ANKRD36B: variants seen among roughly 807,000 people sequenced by gnomAD.
The protein encoded by ANKRD36B is ankyrin repeat domain 36B.
A neutral mutation model predicts 135.7 loss-of-function variants in ANKRD36B; 37 were observed. The ratio of observed to expected loss-of-function variants is 0.27; its 90% CI spans 0.21 to 0.36. ANKRD36B has a LOEUF of 0.36. ANKRD36B is among the 10% of genes least tolerant of loss of function. The probability of loss-of-function intolerance (pLI) is 1.00; values close to 1 mark genes in which losing one functional copy is unlikely to be tolerated. For missense variants in ANKRD36B, 549 were observed against 1,037.1 expected (o/e 0.53, Z 6.46); for synonymous variants, 179 against 348.1 (o/e 0.51, Z 5.41).
chr2:97,586,204 A>C (rs901746301), intron 1 of ANKRD36B, among the ~76,000 whole-genome samples: 18 of 152,294 alleles, frequency 1.2e-4, no homozygotes, highest in African/African-American at 4.1e-4. Flanking sequence ...TTCTTACTTC[A>C]ACTTTCAAAA....
At chr2:97,535,484 AAAACACAC>A (rs2078828269) in intron 34 of ANKRD36B, among the ~76,000 whole-genome samples, 1 of 67,476 alleles carries the variant, frequency 1.5e-5, no homozygotes, top group African/African-American at 6.1e-5. Context: ...ACAAAAAAAT[AAAACACAC>A]ACACACACAC....
At chr2:97,549,722 T>G (rs1489333705) in intron 18 of ANKRD36B, 108 bp from the exon 19 acceptor site, 7 of 1,560,482 alleles carry the variant, frequency 4.5e-6, no homozygotes, top group East Asian at 4.6e-5. Flanking sequence ...TGTATTAGCG[T>G]AGGCTTTGAT....
chr2:97,544,403 C>A (rs1317245481), intron 24 of ANKRD36B, among the ~76,000 whole-genome samples: 1 of 94,906 alleles, frequency 1.1e-5, no homozygotes, highest in African/African-American at 3.1e-5. Flanking sequence ...TACAAACATT[C>A]ATCATGCTCT....
rs1048736510 is a variant in ANKRD36B, at chr2:97,495,918, T to TACTCC, written c.*7-3064_*7-3063insGGAGT. 5.6e-5 allele frequency among the ~76,000 whole-genome samples: 6 copies of TACTCC among 107,458 alleles called. 2 individuals are homozygous for TACTCC. Among genetic ancestry groups the TACTCC allele is most frequent in the Non-Finnish European group, 1.3e-4 (5 of 37,890 alleles). 70.5% of individuals were successfully genotyped at this position (107,458 alleles called of 152,430 possible). The stretch of plus-strand genomic sequence containing the variant: ...ATGGTTCCATCTGCCAGATGAATTA[T>TACTCC]ACTTTGTAAGCCACATTAGCCCCCA... On this transcript the variant is annotated intron_variant, in intron 43 of 43. Coordinates refer to ENST00000359901, the MANE Select transcript of ANKRD36B (RefSeq NM_001393939.1).
rs200418218 is a variant in ANKRD36B at position 97,549,457 on chromosome 2, A to T, written c.1439T>A (p.Ile480Lys). 3.2e-6 allele frequency: 5 copies of T among 1,582,302 alleles called. No individual in the cohort carries two copies. Among genetic ancestry groups the T allele is most frequent in the Non-Finnish European group, 4.3e-6 (5 of 1,166,388 alleles). Residue 480 changes from isoleucine to lysine, a missense_variant, in exon 20 of 44, where the codon ATA (isoleucine) becomes AAA (lysine). Coordinates refer to ENST00000359901, the MANE Select transcript of ANKRD36B (RefSeq NM_001393939.1). Reference protein sequence around the residue: ...TSVKEDSVLNIAREKKDGEKS... With the variant: ...TSVKEDSVLNKAREKKDGEKS... The stretch of plus-strand genomic sequence containing the variant: ...TTCTCCATCCTTTTTTTCTCTGGCT[A>T]TATTCAAAACAGAATCTTCCTTGAC...
At position 97,545,943 on chromosome 2, in the gene ANKRD36B, C is replaced by G. The variant is rs978730955; in HGVS notation, c.1580-82G>C. On this transcript the variant is annotated intron_variant, in intron 22 of 43. Coordinates refer to ENST00000359901, the MANE Select transcript of ANKRD36B (RefSeq NM_001393939.1). ...TACATTCATACAGTGTTAGCATCAA[C>G]CTCTGTCCTCCTGCCTGTAATAGTG... 2 of 925,420 alleles carry G rather than the reference C, an allele frequency of 2.2e-6. 1 individual carries two copies. Among genetic ancestry groups the G allele is most frequent in the African/African-American group, 3.2e-5 (2 of 62,558 alleles). 57.3% of individuals were successfully genotyped at this position (925,420 alleles called of 1,614,324 possible).
chr2:97,567,056 G>T (rs988676180), intron 6 of ANKRD36B, among the ~76,000 whole-genome samples: 2 of 151,750 alleles, frequency 1.3e-5, no homozygotes, highest in African/African-American at 4.8e-5. Context: ...CCCCCTCTTT[G>T]GTTTGATTAA....
At chr2:97,572,928 T>C (rs2081977587) in intron 6 of ANKRD36B, among the ~76,000 whole-genome samples, 1 of 151,980 alleles carries the variant, frequency 6.6e-6, no homozygotes, top group Non-Finnish European at 1.5e-5. Context: ...TCTTTTTTTT[T>C]TTTTTTATAC....
rs1258400167 is a variant in ANKRD36B at position 97,551,364 on chromosome 2, G to A, written c.1303-3C>T. 3 of 1,598,398 alleles carry A rather than the reference G, an allele frequency of 1.9e-6. No homozygotes were observed. Among genetic ancestry groups the A allele is most frequent in the Non-Finnish European group, 1.7e-6 (2 of 1,175,056 alleles). The stretch of plus-strand genomic sequence containing the variant: ...GAATCTTTCTCATCACTTGTGGCCT[G>A]AATGGAATTTGAAACAAAATAATAA... On this transcript the variant is annotated splice_region_variant and splice_polypyrimidine_tract_variant and intron_variant, in intron 17 of 43. Coordinates refer to ENST00000359901, the MANE Select transcript of ANKRD36B (RefSeq NM_001393939.1).
chr2:97,570,248 T>C (rs541400440), intron 6 of ANKRD36B, among the ~76,000 whole-genome samples: 2 of 152,176 alleles, frequency 1.3e-5, no homozygotes, highest in Non-Finnish European at 1.5e-5. Context: ...TATATTACCA[T>C]GTTATTCACT....
intron 6 of ANKRD36B, among the ~76,000 whole-genome samples, chr2:97,572,390 T>C (rs1021684431): frequency 7.4e-6 from 1 of 134,246 alleles, no homozygotes; most frequent in Non-Finnish European, 1.7e-5. Context: ...TGAAGAAATA[T>C]AATACCAGAA....
In ANKRD36B at chr2:97,526,565, A is replaced by G. The variant is rs1485646552; in HGVS notation, c.2266-3098T>C. The stretch of plus-strand genomic sequence containing the variant: ...CAAAGCTGGACGGAGAATGACTTTG[A>G]CAAGTTGAGAGAAGAAGGCTTCAGA... On this transcript the variant is annotated intron_variant, in intron 35 of 43. Transcript: ENST00000359901. Among the ~76,000 whole-genome samples, 2 of 97,870 alleles carry G rather than the reference A, an allele frequency of 2.0e-5. 1 individual carries two copies. The highest frequency in any genetic ancestry group is 5.4e-5 in the Non-Finnish European group (2 of 36,710). 64.2% of individuals were successfully genotyped at this position (97,870 alleles called of 152,430 possible).
intron 6 of ANKRD36B, among the ~76,000 whole-genome samples, chr2:97,574,665 C>T (rs2442274): frequency 3.9e-5 from 6 of 152,146 alleles, no homozygotes; most frequent in Non-Finnish European, 7.3e-5. Flanking sequence ...TGGAGAGAGT[C>T]GGGATGTATG....
intron 28 of ANKRD36B, among the ~76,000 whole-genome samples, chr2:97,540,938 A>G (rs2079121035): frequency 1.0e-5 from 1 of 96,728 alleles, no homozygotes. Flanking sequence ...TCAATTATCA[A>G]TTTTGACATA....
chr2:97,553,209 T>G lies in ANKRD36B; in HGVS notation c.1232A>C (p.Asn411Thr), dbSNP rs749137192. 4 of 1,611,240 alleles carry G rather than the reference T, an allele frequency of 2.5e-6. No individual in the cohort carries two copies. Among genetic ancestry groups the G allele is most frequent in the Non-Finnish European group, 1.7e-6 (2 of 1,178,778 alleles). Residue 411 changes from asparagine (N) to threonine (T), a missense_variant, in exon 16 of 44, where the codon AAT becomes ACT. Transcript: ENST00000359901. ...ATTDEEGSVS[N>T]IATEIKDGEK... Reference sequence around the variant, plus strand: ...TCCATCCTTTATTTCTGTGGCTATATTAGAAACAGAACCTTCCTCGTCAGT... The same window carrying G: ...TCCATCCTTTATTTCTGTGGCTATAGTAGAAACAGAACCTTCCTCGTCAGT...
At chr2:97,539,624 T>C (rs6740279) in intron 30 of ANKRD36B, 2,088 of 103,406 alleles carry the variant, frequency 0.02, 600 homozygotes, top group African/African-American at 0.058. Context: ...TTAGTTCTCA[T>C]TCTACAGTGT....
At chr2:97,575,546 C>A (rs1461680742) in intron 6 of ANKRD36B, among the ~76,000 whole-genome samples, 1 of 148,886 alleles carries the variant, frequency 6.7e-6, no homozygotes, top group Admixed American at 6.8e-5. Flanking sequence ...ATTAACTGTA[C>A]CTCTTTTCTG....
chr2:97,496,833 G>GTATATATATATATATATATATA (rs56775263), intron 43 of ANKRD36B, among the ~76,000 whole-genome samples: 6 of 62,088 alleles, frequency 9.7e-5, no homozygotes, highest in African/African-American at 5.3e-4. Flanking sequence ...ATATGTGTGT[G>GTATATATATATATATATATATA]TATATATATA....
intron 12 of ANKRD36B, among the ~76,000 whole-genome samples, chr2:97,555,836 G>A (rs1421671610): frequency 6.6e-6 from 1 of 151,820 alleles, no homozygotes; most frequent in Non-Finnish European, 1.5e-5. Context: ...ATACCCATGT[G>A]GTGTAATAAT....
Sources: allele counts gnomAD v4.1 joint callset (sites outside exome capture counted in the v4.1 genomes callset), GRCh38; gene constraint gnomAD v4.1.1; transcripts MANE v1.5; gene names NCBI Gene and HGNC (gene_info 2026-07-23, HGNC 2026-07-21).